METTL15: variants seen among roughly 807,000 people sequenced by gnomAD.
The protein encoded by METTL15 is 12S rRNA N(4)-cytidine methyltransferase METTL15.
Under a neutral mutation model 38.3 loss-of-function variants are expected in METTL15, and 34 were observed. The observed-to-expected ratio is 0.89, with a 90% confidence interval of 0.68 to 1.18. The LOEUF is 1.18. Among genes scored for constraint, METTL15 ranks in the 50% most tolerant of loss-of-function variants. The probability of loss-of-function intolerance (pLI) is 0.00; values close to 1 mark genes in which losing one functional copy is unlikely to be tolerated. For missense variants in METTL15, 438 were observed against 498.4 expected, an observed-to-expected ratio of 0.88 and a Z score of 1.15; for synonymous variants, 162 against 170.9, an observed-to-expected ratio of 0.95 and a Z score of 0.41.
chr11:28,391,346 G>A (rs1388529058), intron 5 of METTL15, among the ~76,000 whole-genome samples: 3 of 152,008 alleles, frequency 2.0e-5, no homozygotes, highest in Non-Finnish European at 2.9e-5. Context: ...TGCCCATTCA[G>A]TATGATATTG....
intron 6 of METTL15, among the ~76,000 whole-genome samples, chr11:28,516,539 T>G (rs762236897): frequency 2.0e-5 from 3 of 152,210 alleles, no homozygotes; most frequent in African/African-American, 7.2e-5. Context: ...CATACTACTC[T>G]TTTTTTATTT....
rs116182436 is a variant in METTL15 at position 28,126,477 on chromosome 11, C to T, written c.270+12873C>T. ...AAGAGCATTTGATATGTAGAAGATACCCCATAAATATTTGTTGAAATAATT... is the reference window on the plus strand; with the variant it reads ...AAGAGCATTTGATATGTAGAAGATATCCCATAAATATTTGTTGAAATAATT... On this transcript the variant is annotated intron_variant, in intron 3 of 6. Coordinates refer to ENST00000407364, the MANE Select transcript of METTL15 (RefSeq NM_001113528.2). Among the ~76,000 whole-genome samples, 660 of 152,010 alleles carry T rather than the reference C, an allele frequency of 4.3e-3. 8 individuals carry two copies. The highest frequency in any genetic ancestry group is 0.014 in the African/African-American group (589 of 41,456).
chr11:28,127,762 A>G (rs1852558056), intron 3 of METTL15, among the ~76,000 whole-genome samples: 2 of 152,118 alleles, frequency 1.3e-5, no homozygotes, highest in South Asian at 4.1e-4. Flanking sequence ...ATTAATCTAT[A>G]TAAAATTATA....
intron 3 of METTL15, among the ~76,000 whole-genome samples, chr11:28,187,237 G>A (rs1451057997): frequency 6.6e-6 from 1 of 151,152 alleles, no homozygotes; most frequent in Admixed American, 6.6e-5. Context: ...CAGTGCTATG[G>A]CCTTCTCTGA....
In METTL15 at chr11:28,296,906, C is replaced by G; in HGVS notation, c.753C>G (p.Thr251=). The G allele has an allele frequency of 6.2e-7, 1 of 1,613,504 alleles. No individual in the cohort carries two copies. The highest frequency in any genetic ancestry group is 8.5e-7 in the Non-Finnish European group (1 of 1,179,658). The change falls in exon 6 of 7, where the codon ACC becomes ACG. Residue 251 remains threonine, a synonymous_variant. Transcript: ENST00000407364. ...GCAGCATCTACCCCATCACCAGAAC[C>G]CAGCAGCTTGCCAGCATCGTTGCAG... ...QARSIYPITR[T]QQLASIVAGA... is the part of the protein sequence containing the mutation.
intron 5 of METTL15, among the ~76,000 whole-genome samples, chr11:28,376,460 C>G (rs1039440292): frequency 1.3e-5 from 2 of 152,048 alleles, no homozygotes; most frequent in African/African-American, 4.8e-5. Context: ...GGTTTAAAAT[C>G]TGTTTTATCA....
At chr11:28,228,315 T>C (rs930563132) in intron 4 of METTL15, among the ~76,000 whole-genome samples, 1 of 151,122 alleles carries the variant, frequency 6.6e-6, no homozygotes, top group Admixed American at 6.6e-5. Flanking sequence ...TAACTTCAGC[T>C]CTGCTATTTA....
intron 5 of METTL15, among the ~76,000 whole-genome samples, chr11:28,377,650 C>T (rs1368233413): frequency 6.6e-6 from 1 of 152,190 alleles, no homozygotes; most frequent in East Asian, 1.9e-4. Context: ...AAGCCTTCTT[C>T]TCTCAGCTCG....
chr11:28,220,980 G>C (rs1853183735), intron 4 of METTL15, among the ~76,000 whole-genome samples: 1 of 152,106 alleles, frequency 6.6e-6, no homozygotes. Context: ...CTTTCTCTCT[G>C]GCTGCCCTTA....
At position 28,113,419 on chromosome 11, in the gene METTL15, T is replaced by C; in HGVS notation, c.85T>C (p.Trp29Arg). 1 of 1,595,926 alleles carries C rather than the reference T, an allele frequency of 6.3e-7. No individual in the cohort carries two copies. The highest frequency in any genetic ancestry group is 8.5e-7 in the Non-Finnish European group (1 of 1,170,742). Residue 29 changes from tryptophan to arginine, a missense_variant, in exon 3 of 7, where the codon TGG becomes CGG. Coordinates refer to ENST00000407364, the MANE Select transcript of METTL15 (RefSeq NM_001113528.2). ...LESGIPNLGV[W>R]PNRIHTTAEK... The stretch of plus-strand genomic sequence containing the variant: ...ATCTGGCATACCTAATTTAGGTGTC[T>C]GGCCAAACAGAATACATACTACAGC...
At chr11:28,204,379 C>T (rs1472283093) in intron 3 of METTL15, among the ~76,000 whole-genome samples, 1 of 146,372 alleles carries the variant, frequency 6.8e-6, no homozygotes, top group Non-Finnish European at 1.5e-5. Flanking sequence ...CTTCCCCTAA[C>T]TTACTAGTAA....
rs78666193 is a variant in METTL15, at chr11:28,126,091, G to A, written c.270+12487G>A. ...CTAAGCAAATTGGTGGGATTTTCTT[G>A]GTGAAAGTAGGTAGCACATTAAATC... On this transcript the variant is annotated intron_variant, in intron 3 of 6. Coordinates refer to ENST00000407364, the MANE Select transcript of METTL15 (RefSeq NM_001113528.2). 3.9e-3 allele frequency among the ~76,000 whole-genome samples: 597 copies of A among 152,048 alleles called. 8 individuals carry two copies. The highest frequency in any genetic ancestry group is 0.014 in the African/African-American group (578 of 41,454).
chr11:28,413,682 C>T (rs1225831927), intron 5 of METTL15, among the ~76,000 whole-genome samples: 2 of 152,096 alleles, frequency 1.3e-5, no homozygotes, highest in African/African-American at 4.8e-5. Flanking sequence ...CTTAGCTATT[C>T]TAATGAACAT....
chr11:28,220,292 A>G (rs926928510), intron 4 of METTL15, among the ~76,000 whole-genome samples: 2 of 152,138 alleles, frequency 1.3e-5, no homozygotes, highest in Non-Finnish European at 2.9e-5. Context: ...TTCTTGTTGA[A>G]TTGATCACTT....
chr11:28,522,272 A>G (rs1467502011), intron 6 of METTL15, among the ~76,000 whole-genome samples: 35 of 152,238 alleles, frequency 2.3e-4, no homozygotes, highest in Admixed American at 2.3e-3. Flanking sequence ...GGTGGGATGT[A>G]TGTATACAGT....
At chr11:28,342,037 TC>T in intron 3 of METTL15, among the ~76,000 whole-genome samples, 2 of 152,278 alleles carry the variant, frequency 1.3e-5, no homozygotes, top group African/African-American at 4.8e-5. Context: ...TGGGCCCACT[TC>T]AATGTCTGAA....
intron 3 of METTL15, chr11:28,122,086 T>C (rs1257289099): frequency 9.5e-7 from 1 of 1,054,660 alleles, no homozygotes; most frequent in African/African-American, 1.7e-5. Flanking sequence ...AACTGTAATG[T>C]GTATTAACTC....
At chr11:28,335,274 C>T (rs1316178531), downstream of METTL15, among the ~76,000 whole-genome samples, 1 of 152,100 alleles carries the variant, frequency 6.6e-6, no homozygotes, top group East Asian at 1.9e-4. Flanking sequence ...AGGAGAAGAC[C>T]GTATAGTATT....
At chr11:28,237,419 C>T (rs1017315437) in intron 4 of METTL15, among the ~76,000 whole-genome samples, 1 of 152,202 alleles carries the variant, frequency 6.6e-6, no homozygotes, top group Non-Finnish European at 1.5e-5. Context: ...CTGCATTCTT[C>T]ACGTAGTTCT....
Sources: allele counts gnomAD v4.1 joint callset (sites outside exome capture counted in the v4.1 genomes callset), GRCh38; gene constraint gnomAD v4.1.1; transcripts MANE v1.5; gene names NCBI Gene and HGNC (gene_info 2026-07-23, HGNC 2026-07-21).